The following HSF2BP variants were observed in gnomAD, a reference collection of about 807,000 sequenced individuals.
HSF2BP encodes the protein heat shock transcription factor 2 binding protein.
A neutral mutation model predicts 35.0 loss-of-function variants in HSF2BP; 35 were observed. The ratio of observed to expected loss-of-function variants is 1.00; its 90% CI spans 0.76 to 1.32. The LOEUF is 1.32. Ranked by LOEUF, HSF2BP falls within the 40% of genes most tolerant of loss-of-function variation. The pLI, the probability that HSF2BP is intolerant of heterozygous loss-of-function variation, is 0.00. For synonymous variants in HSF2BP, 114 were observed against 117.4 expected (o/e 0.97, Z 0.18); for missense variants, 326 against 321.7 (o/e 1.01, Z -0.10).
the HSF2BP span, chr21:43,475,891 G>GACACAC: frequency 5.3e-5 from 4 of 75,672 alleles, 1 homozygote; most frequent in African/African-American, 2.3e-4. Context: ...CACACACACA[G>GACACAC]ACACACACAC....
At chr21:43,496,017 GCACACACA>G in the HSF2BP span, among the ~76,000 whole-genome samples, 2 of 121,956 alleles carry the variant, frequency 1.6e-5, no homozygotes, top group African/African-American at 3.2e-5. Flanking sequence ...AAACACACGT[GCACACACA>G]CACACACACA....
At chr21:43,576,492 G>T (rs902299996) in intron 8 of HSF2BP, among the ~76,000 whole-genome samples, 9 of 152,178 alleles carry the variant, frequency 5.9e-5, no homozygotes, top group African/African-American at 2.2e-4. Flanking sequence ...ACAAGTCAAC[G>T]TGCTATATTC....
chr21:43,642,367 T>A (rs948023998), intron 4 of HSF2BP, among the ~76,000 whole-genome samples: 14 of 151,844 alleles, frequency 9.2e-5, no homozygotes, highest in Non-Finnish European at 1.9e-4. Context: ...TCTCAAAAAA[T>A]AAATAAATAA....
chr21:43,616,133 G>A (rs1249141088), intron 6 of HSF2BP, among the ~76,000 whole-genome samples: 1 of 151,960 alleles, frequency 6.6e-6, no homozygotes. Flanking sequence ...AGGTGGGCCT[G>A]GCCTCATGTT....
intron 7 of HSF2BP, among the ~76,000 whole-genome samples, chr21:43,612,394 G>A (rs2082217016): frequency 2.0e-5 from 3 of 152,168 alleles, no homozygotes; most frequent in Admixed American, 2.0e-4. Context: ...GCTCACGCCT[G>A]TAATCCCAGC....
At chr21:43,578,612 C>T (rs1248399055) in intron 8 of HSF2BP, among the ~76,000 whole-genome samples, 2 of 152,234 alleles carry the variant, frequency 1.3e-5, no homozygotes, top group African/African-American at 2.4e-5. Context: ...CCACCCTCAT[C>T]GCTCTCTCAT....
chr21:43,598,788 C>G (rs938353434), intron 7 of HSF2BP, among the ~76,000 whole-genome samples: 1 of 152,194 alleles, frequency 6.6e-6, no homozygotes, highest in African/African-American at 2.4e-5. Flanking sequence ...AGCACCTTAA[C>G]TAGAATTCAG....
At chr21:43,655,689 G>A (rs1364788382) in intron 3 of HSF2BP, among the ~76,000 whole-genome samples, 1 of 152,204 alleles carries the variant, frequency 6.6e-6, no homozygotes, top group African/African-American at 2.4e-5. Flanking sequence ...GGAACCAGGA[G>A]AGCCCCATCT....
Position 43,658,124 on chromosome 21 carries a change from C to T in HSF2BP, c.-28G>A. 6.6e-7 allele frequency: 1 copy of T among 1,518,264 alleles called. No homozygotes were observed. Among genetic ancestry groups the T allele is most frequent in the Non-Finnish European group, 8.8e-7 (1 of 1,136,666 alleles). The allele number at this position is 1,518,264 out of a possible 1,614,324, so 94.0% of individuals were successfully genotyped here. Reference sequence around the variant, plus strand: ...CCGCTGCCGCCTCCGCTCCGTTCGCCTGAGCGTCGGCGCGCCCTCTGACCC... The same window carrying T: ...CCGCTGCCGCCTCCGCTCCGTTCGCTTGAGCGTCGGCGCGCCCTCTGACCC... On this transcript the variant is annotated 5_prime_UTR_variant, in exon 2 of 9. Transcript: ENST00000291560.
At chr21:43,608,521 C>T (rs1286484991) in intron 7 of HSF2BP, among the ~76,000 whole-genome samples, 1 of 152,128 alleles carries the variant, frequency 6.6e-6, no homozygotes, top group Non-Finnish European at 1.5e-5. Context: ...AATTCAGCAC[C>T]TATGGAAAGC....
chr21:43,591,462 T>C (rs978160348), intron 8 of HSF2BP, among the ~76,000 whole-genome samples: 1 of 152,254 alleles, frequency 6.6e-6, no homozygotes, highest in Admixed American at 6.5e-5. Flanking sequence ...AATTTCTCTT[T>C]GTGTTGTAGG....
chr21:43,647,526 C>G (rs894714331), intron 3 of HSF2BP, among the ~76,000 whole-genome samples: 1 of 152,210 alleles, frequency 6.6e-6, no homozygotes, highest in African/African-American at 2.4e-5. Flanking sequence ...CTGCTGCACG[C>G]AGTCCATAAT....
At chr21:43,587,240 G>T (rs1470882244) in intron 8 of HSF2BP, among the ~76,000 whole-genome samples, 1 of 152,152 alleles carries the variant, frequency 6.6e-6, no homozygotes, top group African/African-American at 2.4e-5. Context: ...GGCTTAAACA[G>T]ATCTTGTTTT....
chr21:43,630,471 C>A lies in HSF2BP; in HGVS notation c.442-17G>T. 1 of 1,605,456 alleles carries A rather than the reference C, an allele frequency of 6.2e-7. No individual in the cohort carries two copies. The highest frequency in any genetic ancestry group is 2.3e-5 in the East Asian group (1 of 44,398). On this transcript the variant is annotated splice_polypyrimidine_tract_variant and intron_variant, in intron 5 of 8. Coordinates refer to ENST00000291560, the MANE Select transcript of HSF2BP (RefSeq NM_007031.2). Reference sequence around the variant, plus strand: ...AGCTTTATCCTGAAAGTTTGAAAATCAGAGTGTCATATCTTTTTACAGACA... The same window carrying A: ...AGCTTTATCCTGAAAGTTTGAAAATAAGAGTGTCATATCTTTTTACAGACA...
chr21:43,631,888 C>T (rs946336490), intron 5 of HSF2BP, among the ~76,000 whole-genome samples: 1 of 151,708 alleles, frequency 6.6e-6, no homozygotes, highest in Non-Finnish European at 1.5e-5. Context: ...CGCTCCCACA[C>T]ACACACATGC....
At chr21:43,616,250 T>C (rs1409127438) in intron 6 of HSF2BP, among the ~76,000 whole-genome samples, 1 of 152,188 alleles carries the variant, frequency 6.6e-6, no homozygotes, top group East Asian at 1.9e-4. Flanking sequence ...AGCCTTAAGA[T>C]TTCCACTTTG....
At chr21:43,651,074 T>A (rs2082779416) in intron 3 of HSF2BP, among the ~76,000 whole-genome samples, 1 of 152,110 alleles carries the variant, frequency 6.6e-6, no homozygotes, top group Non-Finnish European at 1.5e-5. Context: ...CCCAAACTCA[T>A]GAAGTGACAA....
chr21:43,632,364 CCACA>C (rs1215128436), intron 5 of HSF2BP, among the ~76,000 whole-genome samples: 4 of 81,030 alleles, frequency 4.9e-5, no homozygotes, highest in Non-Finnish European at 9.5e-5. Context: ...ACACACGCTC[CCACA>C]CACACACGCT....
At chr21:43,617,503 T>C (rs770019015) in intron 6 of HSF2BP, among the ~76,000 whole-genome samples, 8 of 150,506 alleles carry the variant, frequency 5.3e-5, no homozygotes, top group Non-Finnish European at 8.8e-5. Context: ...CTAGAATGCC[T>C]GTGAGTCAAT....
Sources: gnomAD v4.1 joint callset for allele counts (sites outside exome capture counted in the v4.1 genomes callset) on GRCh38, gnomAD v4.1.1 for gene constraint, MANE v1.5 for transcripts, NCBI Gene and HGNC (gene_info 2026-07-23, HGNC 2026-07-21) for gene names.